Variants in NELL1 observed in about 807,000 individuals in gnomAD.
The protein encoded by NELL1 is neural EGFL like 1.
In NELL1, 76 loss-of-function variants were observed where a neutral mutation model predicts 107.4. That is an observed-to-expected ratio of 0.71 (90% confidence interval 0.59 to 0.86). NELL1 has a LOEUF of 0.86. NELL1 is among the 40% of genes least tolerant of loss of function. The pLI, the probability that NELL1 is intolerant of heterozygous loss-of-function variation, is 0.00. For missense variants in NELL1, 1,024 were observed against 1,005.5 expected (o/e 1.02, Z -0.25); for synonymous variants, 353 against 341.2 (o/e 1.03, Z -0.38).
chr11:20,671,472 A>C (rs912107631), intron 1 of NELL1, among the ~76,000 whole-genome samples: 2 of 152,194 alleles, frequency 1.3e-5, no homozygotes, highest in South Asian at 4.1e-4. Context: ...TACTCCTTTG[A>C]AAAGTCGCCA....
intron 12 of NELL1, among the ~76,000 whole-genome samples, chr11:20,982,462 G>A (rs1213803594): frequency 6.6e-6 from 1 of 152,170 alleles, no homozygotes; most frequent in Admixed American, 6.6e-5. Flanking sequence ...ACCCAATTTA[G>A]GTCCCTATTT....
At chr11:21,081,319 G>C (rs1283972049) in intron 12 of NELL1, among the ~76,000 whole-genome samples, 1 of 151,916 alleles carries the variant, frequency 6.6e-6, no homozygotes, top group Non-Finnish European at 1.5e-5. Context: ...ATCTTTGCAG[G>C]CTCCTGTTCT....
At chr11:20,703,207 G>A (rs1345335463) in intron 2 of NELL1, among the ~76,000 whole-genome samples, 1 of 151,356 alleles carries the variant, frequency 6.6e-6, no homozygotes, top group Non-Finnish European at 1.5e-5. Context: ...TTCAGGGATT[G>A]AACTTCCTGG....
intron 13 of NELL1, among the ~76,000 whole-genome samples, chr11:21,207,822 A>G (rs543543864): frequency 6.6e-6 from 1 of 152,262 alleles, no homozygotes; most frequent in Admixed American, 6.5e-5. Context: ...ATTTGTATCT[A>G]GGTCTATCTG....
chr11:20,816,537 G>A (rs1172143536), intron 3 of NELL1, among the ~76,000 whole-genome samples: 3 of 152,126 alleles, frequency 2.0e-5, no homozygotes, highest in African/African-American at 7.2e-5. Context: ...AGTTATAGGA[G>A]TCTTTTAGTG....
chr11:21,428,776 A>G (rs1006644761), intron 15 of NELL1, among the ~76,000 whole-genome samples: 1 of 152,224 alleles, frequency 6.6e-6, no homozygotes, highest in Non-Finnish European at 1.5e-5. Context: ...TAATTCTCAA[A>G]TGATAAAATA....
At chr11:21,240,485 A>G (rs1357974178) in intron 14 of NELL1, among the ~76,000 whole-genome samples, 1 of 151,946 alleles carries the variant, frequency 6.6e-6, no homozygotes, top group Non-Finnish European at 1.5e-5. Flanking sequence ...GTTTTCTTTG[A>G]AAAATATGTC....
At chr11:21,203,907 T>C (rs1215268519) in intron 13 of NELL1, among the ~76,000 whole-genome samples, 5 of 152,172 alleles carry the variant, frequency 3.3e-5, no homozygotes, top group Non-Finnish European at 5.9e-5. Flanking sequence ...GGGTTGAAAA[T>C]TTGTTTCTCT....
Position 20,813,982 on chromosome 11 carries a change from AATTT to A in NELL1, c.335+30173_335+30176del, listed in dbSNP as rs530594768. Among the ~76,000 whole-genome samples the A allele has an allele frequency of 4.6e-5, 7 of 151,070 alleles. No individual in the cohort carries two copies. The East Asian group carries it at 5.8e-4, about 12-fold the overall frequency. On this transcript the variant is annotated intron_variant, in intron 3 of 19. Transcript: ENST00000357134. ...TTATTTATTTTGTTATTTATAAATAAATTTATTTATTTATTTATTTATTTTTTTG... is the reference window on the plus strand; with the variant it reads ...TTATTTATTTTGTTATTTATAAATAAATTTATTTATTTATTTATTTTTTTG...
At chr11:20,940,476 C>G (rs749291057) in intron 10 of NELL1, among the ~76,000 whole-genome samples, 1 of 152,046 alleles carries the variant, frequency 6.6e-6, no homozygotes, top group African/African-American at 2.4e-5. Context: ...GTCTTGAACT[C>G]CTAATCTCAT....
intron 15 of NELL1, among the ~76,000 whole-genome samples, chr11:21,488,368 G>A (rs954692672): frequency 5.3e-5 from 8 of 152,080 alleles, no homozygotes; most frequent in Non-Finnish European, 8.8e-5. Context: ...TTTTGCTGAA[G>A]ATGTAGATAT....
intron 11 of NELL1, among the ~76,000 whole-genome samples, chr11:20,950,928 A>G (rs912958042): frequency 7.2e-5 from 11 of 152,236 alleles, no homozygotes; most frequent in African/African-American, 2.7e-4. Flanking sequence ...TAGCATATTT[A>G]TCATCTCTCT....
At chr11:20,759,466 G>A (rs1002897070) in intron 2 of NELL1, among the ~76,000 whole-genome samples, 1 of 152,200 alleles carries the variant, frequency 6.6e-6, no homozygotes, top group East Asian at 1.9e-4. Context: ...TGGAACTACA[G>A]TATTGCTAAT....
intron 2 of NELL1, among the ~76,000 whole-genome samples, chr11:20,762,495 A>G (rs530369837): frequency 6.6e-6 from 1 of 152,326 alleles, no homozygotes; most frequent in African/African-American, 2.4e-5. Flanking sequence ...AAAAGATAAA[A>G]TAGTTATTAT....
At position 21,503,300 on chromosome 11, in the gene NELL1, A is replaced by G. The variant is rs75033837; in HGVS notation, c.1646-31074A>G. ...ATGAAAAGAAGTTCAGTGTTATGCT[A>G]TCTGTTAAAAGAGTAAATTGAATCT... On this transcript the variant is annotated intron_variant, in intron 15 of 19. Transcript: ENST00000357134. 0.017 allele frequency among the ~76,000 whole-genome samples: 2,546 copies of G among 152,324 alleles called. 197 individuals carry two copies. In the East Asian group the frequency reaches 0.26, roughly 16 times the overall value.
chr11:21,000,662 T>C (rs1292992473), intron 12 of NELL1, among the ~76,000 whole-genome samples: 2 of 152,248 alleles, frequency 1.3e-5, no homozygotes, highest in African/African-American at 4.8e-5. Flanking sequence ...GGGATTTATA[T>C]AGATCAAATT....
intron 3 of NELL1, among the ~76,000 whole-genome samples, chr11:20,814,104 T>C (rs1857566610): frequency 6.6e-6 from 1 of 151,944 alleles, no homozygotes; most frequent in African/African-American, 2.4e-5. Context: ...CATGCCATTC[T>C]CCTGCCTCAG....
intron 13 of NELL1, among the ~76,000 whole-genome samples, chr11:21,176,546 A>G (rs868185585): frequency 1.3e-5 from 2 of 151,810 alleles, no homozygotes; most frequent in Non-Finnish European, 2.9e-5. Context: ...CCAATTAGTG[A>G]TTGCTATTGA....
At chr11:21,152,367 A>G (rs1856138091) in intron 13 of NELL1, among the ~76,000 whole-genome samples, 1 of 152,154 alleles carries the variant, frequency 6.6e-6, no homozygotes, top group East Asian at 1.9e-4. Context: ...GACATTGATT[A>G]AAGTTCCACC....
Sources: gnomAD v4.1 joint callset for allele counts (sites outside exome capture counted in the v4.1 genomes callset) on GRCh38, gnomAD v4.1.1 for gene constraint, MANE v1.5 for transcripts, NCBI Gene and HGNC (gene_info 2026-07-23, HGNC 2026-07-21) for gene names.